GPC5: variants seen among roughly 807,000 people sequenced by gnomAD.
GPC5 encodes the protein glypican-5.
In GPC5, 47 loss-of-function variants were observed where a neutral mutation model predicts 53.9. The ratio of observed to expected loss-of-function variants is 0.87; its 90% CI spans 0.69 to 1.11. The LOEUF is 1.11. GPC5 is among the 50% of genes most tolerant of loss of function. GPC5 has a pLI of 0.00. For synonymous variants in GPC5, 286 were observed against 263.3 expected (o/e 1.09, Z -0.84); for missense variants, 748 against 713.1 (o/e 1.05, Z -0.56).
chr13:92,484,862 G>A (rs1455372460), intron 7 of GPC5, among the ~76,000 whole-genome samples: 4 of 152,008 alleles, frequency 2.6e-5, no homozygotes, highest in Admixed American at 2.6e-4. Flanking sequence ...AGCCTCCCGA[G>A]TAGCTGGGAC....
chr13:92,831,970 G>T (rs1878057727), intron 7 of GPC5, among the ~76,000 whole-genome samples: 1 of 152,016 alleles, frequency 6.6e-6, no homozygotes, highest in South Asian at 2.1e-4. Context: ...TAATGTACAG[G>T]TATATGGGCT....
chr13:91,825,291 G>T (rs2038559874), intron 5 of GPC5, among the ~76,000 whole-genome samples: 1 of 152,018 alleles, frequency 6.6e-6, no homozygotes, highest in Non-Finnish European at 1.5e-5. Flanking sequence ...CTTACTTTTT[G>T]TAATGTAAAA....
intron 5 of GPC5, among the ~76,000 whole-genome samples, chr13:91,812,298 T>A (rs2038325142): frequency 6.6e-6 from 1 of 152,224 alleles, no homozygotes; most frequent in Non-Finnish European, 1.5e-5. Flanking sequence ...TCTATATTTA[T>A]GTGCCTGTTT....
chr13:92,505,312 C>G (rs1329276062), intron 7 of GPC5, among the ~76,000 whole-genome samples: 2 of 152,022 alleles, frequency 1.3e-5, no homozygotes, highest in African/African-American at 4.8e-5. Context: ...AAGACTTGAA[C>G]AGATGTTTCA....
At chr13:92,622,326 T>C (rs1884901696) in intron 7 of GPC5, among the ~76,000 whole-genome samples, 1 of 152,206 alleles carries the variant, frequency 6.6e-6, no homozygotes, top group Non-Finnish European at 1.5e-5. Flanking sequence ...CTCTTTAGGT[T>C]CAGGGATGGT....
chr13:91,956,838 A>T (rs1277594365), intron 6 of GPC5, among the ~76,000 whole-genome samples: 3 of 152,206 alleles, frequency 2.0e-5, no homozygotes, highest in Non-Finnish European at 4.4e-5. Flanking sequence ...TCCCTGTGAA[A>T]GCAAATTTTA....
intron 7 of GPC5, among the ~76,000 whole-genome samples, chr13:92,262,333 A>G (rs1213463030): frequency 6.6e-6 from 1 of 152,202 alleles, no homozygotes; most frequent in Non-Finnish European, 1.5e-5. Flanking sequence ...TTTAATAGAT[A>G]GTACATTTTG....
At chr13:91,446,593 T>A (rs1170225319) in intron 1 of GPC5, among the ~76,000 whole-genome samples, 11 of 152,172 alleles carry the variant, frequency 7.2e-5, no homozygotes, top group Non-Finnish European at 1.6e-4. Context: ...CTTTGTTTTC[T>A]TATGATGCCT....
intron 7 of GPC5, among the ~76,000 whole-genome samples, chr13:92,674,889 A>G (rs574631643): frequency 6.6e-6 from 1 of 152,204 alleles, no homozygotes; most frequent in African/African-American, 2.4e-5. Context: ...CAAAATATAG[A>G]AAAAAAGAGA....
chr13:91,653,662 T>G (rs1269328003), intron 2 of GPC5, among the ~76,000 whole-genome samples: 1 of 152,140 alleles, frequency 6.6e-6, no homozygotes, highest in East Asian at 1.9e-4. Flanking sequence ...AGAACACTTT[T>G]CTTCTCCCTA....
At chr13:91,424,390 G>A (rs1878867197) in intron 1 of GPC5, among the ~76,000 whole-genome samples, 1 of 128,184 alleles carries the variant, frequency 7.8e-6, no homozygotes, top group Non-Finnish European at 1.6e-5. Flanking sequence ...TTGAGATGAA[G>A]TCTTGCTCTT....
chr13:92,255,983 T>A (rs2042723572), intron 7 of GPC5, among the ~76,000 whole-genome samples: 1 of 152,036 alleles, frequency 6.6e-6, no homozygotes. Flanking sequence ...TGAAAATAAT[T>A]AAGGCTTTAT....
intron 6 of GPC5, among the ~76,000 whole-genome samples, chr13:91,943,764 A>G (rs2039949345): frequency 6.6e-6 from 1 of 152,148 alleles, no homozygotes; most frequent in Admixed American, 6.5e-5. Flanking sequence ...TGTGAACCAT[A>G]TCTTTTCTGT....
In GPC5 at chr13:92,738,858, G is replaced by A. The variant is rs145113721; in HGVS notation, c.1562-127424G>A. Among the ~76,000 whole-genome samples the A allele has an allele frequency of 6.2e-3, 943 of 152,118 alleles. 12 individuals carry two copies. The highest frequency in any genetic ancestry group is 0.022 in the African/African-American group (897 of 41,526). Reference sequence around the variant, plus strand: ...CCCCCTTGAGAATTTACATGCACAAGGTAATCTAAAGCCTCTCCAGCATCC... The same window carrying A: ...CCCCCTTGAGAATTTACATGCACAAAGTAATCTAAAGCCTCTCCAGCATCC... On this transcript the variant is annotated intron_variant, in intron 7 of 7. Coordinates refer to ENST00000377067, the MANE Select transcript of GPC5 (RefSeq NM_004466.6).
chr13:91,748,347 A>G (rs2037096975), intron 4 of GPC5, among the ~76,000 whole-genome samples: 1 of 152,158 alleles, frequency 6.6e-6, no homozygotes, highest in African/African-American at 2.4e-5. Context: ...TTTTAATGCA[A>G]CACACCAGAA....
chr13:91,550,035 T>C (rs1566496322), intron 2 of GPC5, among the ~76,000 whole-genome samples: 1 of 152,110 alleles, frequency 6.6e-6, no homozygotes, highest in Non-Finnish European at 1.5e-5. Context: ...ATGTGGTACA[T>C]GTAGATAATG....
At chr13:92,108,054 C>T (rs2138922443) in intron 6 of GPC5, among the ~76,000 whole-genome samples, 2 of 152,248 alleles carry the variant, frequency 1.3e-5, no homozygotes, top group Middle Eastern at 3.4e-3. Flanking sequence ...GAGCTAATTC[C>T]TGCATCTGAC....
At chr13:92,225,679 T>C (rs1204897165) in intron 7 of GPC5, among the ~76,000 whole-genome samples, 2 of 152,306 alleles carry the variant, frequency 1.3e-5, no homozygotes, top group East Asian at 3.9e-4. Context: ...TTCAAATATA[T>C]ATGCATGAAT....
chr13:92,596,056 C>T (rs952642766), intron 7 of GPC5, among the ~76,000 whole-genome samples: 3 of 152,186 alleles, frequency 2.0e-5, no homozygotes, highest in Non-Finnish European at 2.9e-5. Context: ...CATGCATTCT[C>T]ATTCAGATAG....
Sources: allele counts gnomAD v4.1 joint callset (sites outside exome capture counted in the v4.1 genomes callset), GRCh38; gene constraint gnomAD v4.1.1; transcripts MANE v1.5; gene names NCBI Gene and HGNC (gene_info 2026-07-23, HGNC 2026-07-21).